Variants in SUMF1 observed in about 807,000 individuals in gnomAD.
SUMF1 encodes the protein sulfatase modifying factor 1, also known as formylglycine-generating enzyme.
A neutral mutation model predicts 47.6 loss-of-function variants in SUMF1; 48 were observed. The ratio of observed to expected loss-of-function variants is 1.01; its 90% CI spans 0.80 to 1.28. The LOEUF is 1.28. SUMF1 is among the 50% of genes most tolerant of loss of function. SUMF1 has a pLI of 0.00. For synonymous variants in SUMF1, 230 were observed against 192.1 expected, an observed-to-expected ratio of 1.20 and a Z score of -1.63; for missense variants, 571 against 485.4, an observed-to-expected ratio of 1.18 and a Z score of -1.66.
intron 8 of SUMF1, among the ~76,000 whole-genome samples, chr3:4,346,885 T>C (rs924458893): frequency 3.3e-5 from 5 of 152,106 alleles, no homozygotes; most frequent in African/African-American, 1.2e-4. Context: ...CAAACTACCA[T>C]CAGAGAATAC....
intron 8 of SUMF1, among the ~76,000 whole-genome samples, chr3:4,073,278 C>T (rs1286270869): frequency 6.6e-6 from 1 of 152,132 alleles, no homozygotes; most frequent in African/African-American, 2.4e-5. Flanking sequence ...TACAGAGAAG[C>T]AAATGCTGAG....
intron 8 of SUMF1, among the ~76,000 whole-genome samples, chr3:4,118,179 C>G (rs1693462670): frequency 6.6e-6 from 1 of 152,024 alleles, no homozygotes; most frequent in Non-Finnish European, 1.5e-5. Context: ...TCTCTTTGTA[C>G]TCTTGACCAT....
At chr3:4,120,622 C>T (rs1416493743) in intron 8 of SUMF1, among the ~76,000 whole-genome samples, 1 of 152,016 alleles carries the variant, frequency 6.6e-6, no homozygotes, top group Admixed American at 6.6e-5. Flanking sequence ...GAAAGGGTCC[C>T]TCTCTCACCA....
At chr3:4,375,058 C>T (rs546760460) in intron 8 of SUMF1, among the ~76,000 whole-genome samples, 38 of 147,618 alleles carry the variant, frequency 2.6e-4, no homozygotes, top group African/African-American at 9.5e-4. Context: ...ATCGCTTGAG[C>T]CCAGGAGGTC....
intron 3 of SUMF1, among the ~76,000 whole-genome samples, chr3:4,429,537 C>A (rs528999331): frequency 6.6e-6 from 1 of 152,244 alleles, no homozygotes; most frequent in Admixed American, 6.5e-5. Context: ...CACACGTTGT[C>A]TTGGAGGTAA....
intron 8 of SUMF1, among the ~76,000 whole-genome samples, chr3:4,212,177 G>A (rs977444845): frequency 6.6e-6 from 1 of 152,150 alleles, no homozygotes; most frequent in African/African-American, 2.4e-5. Context: ...TCATACAGGA[G>A]AGCTCTGGCT....
At chr3:4,463,370 G>C (rs1261600423) in intron 1 of SUMF1, among the ~76,000 whole-genome samples, 1 of 152,084 alleles carries the variant, frequency 6.6e-6, no homozygotes, top group African/African-American at 2.4e-5. Context: ...GGTGCCTGTA[G>C]TCCCAGCTAC....
At chr3:4,105,388 CTTAAG>C (rs961753109) in intron 8 of SUMF1, among the ~76,000 whole-genome samples, 1 of 152,082 alleles carries the variant, frequency 6.6e-6, no homozygotes, top group Non-Finnish European at 1.5e-5. Context: ...AATTACAAAA[CTTAAG>C]TTTTCTGCAG....
rs1053610148 is a variant in SUMF1 at position 4,134,960 on chromosome 3, T to C, written c.1015-66215A>G. Among the ~76,000 whole-genome samples the C allele has an allele frequency of 6.2e-4, 94 of 152,160 alleles. 2 individuals carry two copies. Among genetic ancestry groups the C allele is most frequent in the Non-Finnish European group, 2.4e-4 (16 of 68,016 alleles). ...CTCTGAATAGACCAATAACAGGCTC[T>C]GAAATTGTGGCAATAATCAATAGCT... On this transcript the variant is annotated intron_variant and NMD_transcript_variant, in intron 8 of 12. Transcript: ENST00000448413.
At chr3:4,220,541 T>C (rs1696038737) in intron 8 of SUMF1, among the ~76,000 whole-genome samples, 1 of 152,060 alleles carries the variant, frequency 6.6e-6, no homozygotes. Flanking sequence ...TCCTCTCTTC[T>C]CTCTCTTTCC....
At chr3:4,292,752 G>A (rs1007949163) in intron 8 of SUMF1, among the ~76,000 whole-genome samples, 4 of 152,162 alleles carry the variant, frequency 2.6e-5, no homozygotes, top group Admixed American at 2.6e-4. Flanking sequence ...TCTAGGGTCT[G>A]GAAAGTGCAA....
chr3:4,146,861 T>C (rs1002148406), intron 8 of SUMF1, among the ~76,000 whole-genome samples: 2 of 152,142 alleles, frequency 1.3e-5, no homozygotes, highest in African/African-American at 2.4e-5. Flanking sequence ...AAAAAGGACA[T>C]GAACTCATCA....
At chr3:4,182,316 C>G (rs921470505) in intron 8 of SUMF1, among the ~76,000 whole-genome samples, 2 of 151,402 alleles carry the variant, frequency 1.3e-5, no homozygotes, top group African/African-American at 4.8e-5. Flanking sequence ...ATTCTATTGG[C>G]ATTTATAGAG....
intron 8 of SUMF1, among the ~76,000 whole-genome samples, chr3:4,080,514 C>A (rs1222211502): frequency 6.6e-6 from 1 of 152,080 alleles, no homozygotes; most frequent in African/African-American, 2.4e-5. Context: ...GCTTCAAAAT[C>A]TGATGCCAAA....
chr3:4,261,785 A>G (rs1430936560), intron 8 of SUMF1, among the ~76,000 whole-genome samples: 1 of 152,172 alleles, frequency 6.6e-6, no homozygotes. Context: ...AGTGCCACGT[A>G]CAGATTTCTC....
rs552828746 is a variant in SUMF1, at chr3:4,153,253, C to T, written c.1015-84508G>A. Among the ~76,000 whole-genome samples, 5 of 151,584 alleles carry T rather than the reference C, an allele frequency of 3.3e-5. No homozygotes were observed. The East Asian group carries it at 9.7e-4, about 29-fold the overall frequency. On this transcript the variant is annotated intron_variant and NMD_transcript_variant, in intron 8 of 12. Transcript: ENST00000448413. ...TTAGAGACAGGATGTAACTCTGTTG[C>T]CCAGGCTGGAATGCAGTAAGCAATC...
chr3:4,078,816 T>C (rs1292399939), intron 8 of SUMF1, among the ~76,000 whole-genome samples: 1 of 152,128 alleles, frequency 6.6e-6, no homozygotes, highest in Non-Finnish European at 1.5e-5. Context: ...TTATCTCATT[T>C]TTATAGGTGA....
intron 8 of SUMF1, among the ~76,000 whole-genome samples, chr3:4,228,158 T>C (rs1696214958): frequency 1.3e-5 from 2 of 152,146 alleles, no homozygotes; most frequent in African/African-American, 4.8e-5. Context: ...GATGACTTTG[T>C]AAGTCATTTT....
intron 9 of SUMF1, among the ~76,000 whole-genome samples, chr3:4,044,689 A>G (rs1216913408): frequency 6.6e-6 from 1 of 152,210 alleles, no homozygotes; most frequent in Non-Finnish European, 1.5e-5. Flanking sequence ...CTCTATTATC[A>G]CCGACTTACT....
Sources: allele counts gnomAD v4.1 joint callset (sites outside exome capture counted in the v4.1 genomes callset), GRCh38; gene constraint gnomAD v4.1.1; transcripts MANE v1.5; gene names NCBI Gene and HGNC (gene_info 2026-07-23, HGNC 2026-07-21).